The following ACTN4 variants were observed in gnomAD, a reference collection of about 807,000 sequenced individuals.
ACTN4 encodes alpha-actinin-4.
In ACTN4, 18 loss-of-function variants were observed where a neutral mutation model predicts 114.2. That is an observed-to-expected ratio of 0.16 (90% CI 0.11 to 0.23). The LOEUF (loss-of-function observed/expected upper bound fraction) is 0.23. Ranked by LOEUF, ACTN4 falls within the 10% of genes least tolerant of loss-of-function variation. ACTN4 has a pLI of 1.00. For missense variants in ACTN4, 722 were observed against 1,262.9 expected (o/e 0.57, Z 6.49); for synonymous variants, 515 against 506.3 (o/e 1.02, Z -0.23).
intron 1 of ACTN4, among the ~76,000 whole-genome samples, chr19:38,652,402 G>A (rs1976591123): frequency 6.6e-6 from 1 of 152,176 alleles, no homozygotes; most frequent in African/African-American, 2.4e-5. Flanking sequence ...GGTATGGGAA[G>A]ATGGCCTGGG....
chr19:38,662,376 C>G lies in ACTN4; in HGVS notation c.162+14469C>G, dbSNP rs191669849. 3.1e-3 allele frequency among the ~76,000 whole-genome samples: 469 copies of G among 152,298 alleles called. 4 individuals are homozygous for G. The highest frequency in any genetic ancestry group is 0.011 in the African/African-American group (455 of 41,558). ...GGCTGGGATTCTCTCAGCCTTAGCACTGATGATTTGACAACAAAAATCGCC... is the reference window on the plus strand; with the variant it reads ...GGCTGGGATTCTCTCAGCCTTAGCAGTGATGATTTGACAACAAAAATCGCC... On this transcript the variant is annotated intron_variant, in intron 1 of 20. Transcript: ENST00000252699.
At chr19:38,679,079 G>A (rs1417570557) in intron 1 of ACTN4, among the ~76,000 whole-genome samples, 2 of 152,224 alleles carry the variant, frequency 1.3e-5, no homozygotes, top group African/African-American at 4.8e-5. Context: ...TCTTTCTCCT[G>A]TAGGAAAACA....
intron 1 of ACTN4, among the ~76,000 whole-genome samples, chr19:38,696,811 C>T (rs969169343): frequency 6.6e-6 from 1 of 152,204 alleles, no homozygotes; most frequent in Admixed American, 6.5e-5. Context: ...GAGTTCCCTT[C>T]TGCGTCATCC....
Position 38,727,141 on chromosome 19 carries a change from G to T in ACTN4, c.2337+38G>T. ...CCACCTCCTCGGCCTCTCCCCTCCC[G>T]CCGTTGCCGTACCAGCCCACACCTT... On this transcript the variant is annotated intron_variant, in intron 18 of 20. Transcript: ENST00000252699. This position sits in a 1 kb window ranked among gnomAD's most constrained non-coding sequence, Gnocchi z 5.4. 6.2e-7 allele frequency: 1 copy of T among 1,613,016 alleles called. No individual in the cohort carries two copies. The highest frequency in any genetic ancestry group is 2.2e-5 in the East Asian group (1 of 44,874).
At position 38,721,587 on chromosome 19, in the gene ACTN4, G is replaced by A. The variant is rs139243684; in HGVS notation, c.1341G>A (p.Ser447=). 1,907 of 1,614,060 alleles carry A rather than the reference G, an allele frequency of 1.2e-3. 2 individuals carry two copies. Among genetic ancestry groups the A allele is most frequent in the Non-Finnish European group, 1.5e-3 (1,787 of 1,180,028 alleles). ...KHRDYETATL[S]DIKALIRKHE... Reference sequence around the variant, plus strand: ...GGGACTACGAGACGGCCACACTATCGGACATCAAAGCCCTCATTCGCAAGC... The same window carrying A: ...GGGACTACGAGACGGCCACACTATCAGACATCAAAGCCCTCATTCGCAAGC... Residue 447 remains serine (S), a synonymous_variant, in exon 12 of 21, where the codon TCG becomes TCA. Transcript: ENST00000252699.
chr19:38,720,955 C>G (rs529985638), intron 11 of ACTN4, among the ~76,000 whole-genome samples: 3 of 152,236 alleles, frequency 2.0e-5, no homozygotes, highest in Non-Finnish European at 4.4e-5. Context: ...GTGTAATTAG[C>G]CAGGATCAGG....
In ACTN4 at chr19:38,730,855, G is replaced by A. The variant is rs771883392; in HGVS notation, c.*1423G>A. 904 of 1,551,070 alleles carry A rather than the reference G, an allele frequency of 5.8e-4. 11 individuals are homozygous for A. Among genetic ancestry groups the A allele is most frequent in the Non-Finnish European group, 6.6e-5 (76 of 1,147,326 alleles). On this transcript the variant is annotated 3_prime_UTR_variant, in exon 21 of 21. Transcript: ENST00000252699. ...CAGGTGCGCCCATCCGGAGATCCTA[G>A]GAGAAGGTGGCCACCTCCATCCACT...
chr19:38,658,414 A>C (rs1172387371), intron 1 of ACTN4, among the ~76,000 whole-genome samples: 1 of 152,210 alleles, frequency 6.6e-6, no homozygotes, highest in African/African-American at 2.4e-5. Context: ...TCCCAAGCAC[A>C]AGTAACTTTT....
chr19:38,651,008 C>T (rs1341055574), intron 1 of ACTN4, among the ~76,000 whole-genome samples: 1 of 152,166 alleles, frequency 6.6e-6, no homozygotes, highest in African/African-American at 2.4e-5. Flanking sequence ...GCTGGGATTA[C>T]AGGAGTGAGC....
chr19:38,729,770 T>TCTC lies in ACTN4; in HGVS notation c.*339_*341dup, dbSNP rs1158607094. The TCTC allele has an allele frequency of 9.8e-6, 5 of 510,250 alleles. No individual in the cohort carries two copies. Among genetic ancestry groups the TCTC allele is most frequent in the Admixed American group, 2.3e-5 (1 of 43,464 alleles). 31.6% of individuals were successfully genotyped at this position (510,250 alleles called of 1,614,324 possible). ...CCTGGGATGCCTCACCACACCCAGG[T>TCTC]CTCTTCCTTTGCTCTGAGGTCCCTT... On this transcript the variant is annotated 3_prime_UTR_variant, in exon 21 of 21. Coordinates refer to ENST00000252699, the MANE Select transcript of ACTN4 (RefSeq NM_004924.6).
chr19:38,660,353 A>G (rs1016798161), intron 1 of ACTN4, among the ~76,000 whole-genome samples: 2 of 152,092 alleles, frequency 1.3e-5, no homozygotes, highest in Non-Finnish European at 2.9e-5. Context: ...ACCTTGTGCT[A>G]GACACTATTC....
At chr19:38,685,231 A>G (rs1363301596) in intron 1 of ACTN4, among the ~76,000 whole-genome samples, 2 of 152,218 alleles carry the variant, frequency 1.3e-5, no homozygotes, top group African/African-American at 4.8e-5. Flanking sequence ...GGTGTGAGCC[A>G]CCGTGCTTGG....
At chr19:38,698,570 G>A (rs1444515497) in intron 1 of ACTN4, among the ~76,000 whole-genome samples, 1 of 152,220 alleles carries the variant, frequency 6.6e-6, no homozygotes, top group Non-Finnish European at 1.5e-5. Flanking sequence ...AGGCAGAACC[G>A]GGTCAGGGAG....
intron 11 of ACTN4, among the ~76,000 whole-genome samples, 179 bp from the exon 12 acceptor site, chr19:38,721,359 G>T (rs1276713776): frequency 6.6e-6 from 1 of 152,190 alleles, no homozygotes; most frequent in Non-Finnish European, 1.5e-5. Flanking sequence ...TTACAGTTGG[G>T]CTTAGAGATC....
In ACTN4 at chr19:38,673,513, ATATT is replaced by A. The variant is rs1231454780; in HGVS notation, c.162+25610_162+25613del. ...CATATATATTTATATATATGAATAT[ATATT>A]TATATATATTCATATATACTTATAT... On this transcript the variant is annotated intron_variant, in intron 1 of 20. Transcript: ENST00000252699. Among the ~76,000 whole-genome samples the A allele has an allele frequency of 2.4e-4, 20 of 84,426 alleles. No homozygotes were observed. The East Asian group carries it at 2.5e-3, about 10-fold the overall frequency. 55.4% of individuals were successfully genotyped at this position (84,426 alleles called of 152,430 possible). A position where few individuals can be genotyped will look rare whatever the true frequency, so the allele number is the denominator to read the frequency against.
At chr19:38,654,031 C>T (rs968765266) in intron 1 of ACTN4, among the ~76,000 whole-genome samples, 1 of 152,220 alleles carries the variant, frequency 6.6e-6, no homozygotes, top group African/African-American at 2.4e-5. Context: ...ACAGTGTTGG[C>T]AGCCTAGGCG....
chr19:38,686,462 G>C (rs1226993251), intron 1 of ACTN4, among the ~76,000 whole-genome samples: 1 of 151,482 alleles, frequency 6.6e-6, no homozygotes, highest in Middle Eastern at 3.4e-3. Flanking sequence ...TCCAGGTGAA[G>C]GGCCCCGTGT....
rs1161380306 is a variant in ACTN4, at chr19:38,731,222, G to T, written c.*1790G>T. On this transcript the variant is annotated 3_prime_UTR_variant, in exon 21 of 21. Coordinates refer to ENST00000252699, the MANE Select transcript of ACTN4 (RefSeq NM_004924.6). Reference sequence around the variant, plus strand: ...GGGTCAGCTGGTTGTTCAGGTGGAAGCCTAGGGGGAGGCTGCTTCTGAGCC... The same window carrying T: ...GGGTCAGCTGGTTGTTCAGGTGGAATCCTAGGGGGAGGCTGCTTCTGAGCC... 1.2e-6 allele frequency: 2 copies of T among 1,612,052 alleles called. No individual in the cohort carries two copies. The highest frequency in any genetic ancestry group is 1.7e-5 in the Admixed American group (1 of 60,012).
At chr19:38,690,938 G>A (rs538974039) in intron 1 of ACTN4, among the ~76,000 whole-genome samples, 37 of 152,312 alleles carry the variant, frequency 2.4e-4, no homozygotes, top group South Asian at 8.3e-4. Flanking sequence ...GCGAGATGCC[G>A]CAACCTGATT....
Sources: allele counts gnomAD v4.1 joint callset (sites outside exome capture counted in the v4.1 genomes callset), GRCh38; gene constraint gnomAD v4.1.1; non-coding constraint Gnocchi (gnomAD v3.1); transcripts MANE v1.5; gene names NCBI Gene and HGNC (gene_info 2026-07-23, HGNC 2026-07-21).